TMEM163: variants seen among roughly 807,000 people sequenced by gnomAD.
TMEM163 encodes transmembrane protein 163.
A neutral mutation model predicts 29.3 loss-of-function variants in TMEM163; 17 were observed. The observed-to-expected ratio is 0.58, with a 90% CI of 0.40 to 0.87. The LOEUF (loss-of-function observed/expected upper bound fraction) is 0.87. Among genes scored for constraint, TMEM163 ranks in the 40% least tolerant of loss-of-function variants. TMEM163 has a pLI of 0.00. For missense variants in TMEM163, 303 were observed against 381.5 expected (o/e 0.79, Z 1.71); for synonymous variants, 157 against 160.6 (o/e 0.98, Z 0.17).
intron 4 of TMEM163, among the ~76,000 whole-genome samples, chr2:134,510,726 T>C (rs1188098747): frequency 6.6e-6 from 1 of 152,136 alleles, no homozygotes; most frequent in Non-Finnish European, 1.5e-5. Flanking sequence ...GTAGTGAGTC[T>C]GTTTGGGGCT....
chr2:134,521,598 G>A (rs1478483923), intron 4 of TMEM163, among the ~76,000 whole-genome samples: 1 of 152,182 alleles, frequency 6.6e-6, no homozygotes, highest in Non-Finnish European at 1.5e-5. Flanking sequence ...CCAAGGATAA[G>A]ATTCCCAAGG....
intron 2 of TMEM163, among the ~76,000 whole-genome samples, chr2:134,569,426 G>A (rs1353252810): frequency 6.6e-6 from 1 of 152,046 alleles, no homozygotes; most frequent in Non-Finnish European, 1.5e-5. Context: ...CATTAGGAGC[G>A]AGAGTTATGT....
At chr2:134,684,252 C>T (rs892648625) in intron 2 of TMEM163, among the ~76,000 whole-genome samples, 5 of 152,124 alleles carry the variant, frequency 3.3e-5, no homozygotes, top group South Asian at 2.1e-4. Flanking sequence ...CTTCTATCTG[C>T]GAGTAAATGA....
At chr2:134,461,232 A>T (rs1574148260) in intron 6 of TMEM163, among the ~76,000 whole-genome samples, 1 of 152,264 alleles carries the variant, frequency 6.6e-6, no homozygotes, top group Non-Finnish European at 1.5e-5. Context: ...TCCTGATTAC[A>T]GCTCCACCAG....
At chr2:134,483,337 A>T (rs1679239252) in intron 5 of TMEM163, among the ~76,000 whole-genome samples, 2 of 152,006 alleles carry the variant, frequency 1.3e-5, no homozygotes, top group Admixed American at 1.3e-4. Flanking sequence ...ACATCCCCTC[A>T]TCAAGCCCCT....
At chr2:134,571,024 T>C (rs182353738) in intron 2 of TMEM163, among the ~76,000 whole-genome samples, 5 of 152,328 alleles carry the variant, frequency 3.3e-5, no homozygotes, top group African/African-American at 4.8e-5. Flanking sequence ...CACATACATA[T>C]GTCTCTTTTA....
At chr2:134,697,061 C>A (rs557244635) in intron 2 of TMEM163, among the ~76,000 whole-genome samples, 167 of 152,280 alleles carry the variant, frequency 1.1e-3, no homozygotes, top group South Asian at 1.9e-3. Flanking sequence ...CAGGTGTGAG[C>A]CACCATGCCC....
intron 2 of TMEM163, among the ~76,000 whole-genome samples, chr2:134,701,241 A>G (rs1684696802): frequency 6.6e-6 from 1 of 152,208 alleles, no homozygotes. Context: ...AAAAGGCAAC[A>G]AAAACAATTT....
At chr2:134,537,679 C>A (rs1462546862) in intron 4 of TMEM163, among the ~76,000 whole-genome samples, 1 of 152,180 alleles carries the variant, frequency 6.6e-6, no homozygotes, top group African/African-American at 2.4e-5. Flanking sequence ...CTATCCTATC[C>A]ATGTTTGCAT....
At chr2:134,597,687 T>G (rs1043902130) in intron 2 of TMEM163, among the ~76,000 whole-genome samples, 3 of 152,240 alleles carry the variant, frequency 2.0e-5, no homozygotes, top group African/African-American at 4.8e-5. Flanking sequence ...TCAGAAGGAA[T>G]GGTACCAGCT....
rs1558907950 is a variant in TMEM163 at position 134,456,680 on chromosome 2, C to A, written c.*36G>T. On this transcript the variant is annotated 3_prime_UTR_variant, in exon 8 of 8. Transcript: ENST00000281924. ...GCACCCTTTGCCTATGTGGAAACTC[C>A]TCATCTCGATGGTCTCATGCGGATG... 1 of 1,612,220 alleles carries A rather than the reference C, an allele frequency of 6.2e-7. No individual in the cohort carries two copies. The highest frequency in any genetic ancestry group is 8.5e-7 in the Non-Finnish European group (1 of 1,178,982).
intron 2 of TMEM163, among the ~76,000 whole-genome samples, chr2:134,626,066 G>A (rs997835767): frequency 1.3e-5 from 2 of 151,518 alleles, no homozygotes; most frequent in Non-Finnish European, 2.9e-5. Context: ...GAGGCTCTGG[G>A]GAGAATCTGT....
At chr2:134,597,180 C>T (rs998269974) in intron 2 of TMEM163, among the ~76,000 whole-genome samples, 9 of 152,174 alleles carry the variant, frequency 5.9e-5, no homozygotes, top group Admixed American at 1.3e-4. Flanking sequence ...GAGGGCATCC[C>T]TGTCTTGTGC....
At chr2:134,550,076 C>G (rs763933053) in intron 4 of TMEM163, among the ~76,000 whole-genome samples, 22 of 152,122 alleles carry the variant, frequency 1.4e-4, no homozygotes, top group Non-Finnish European at 2.9e-4. Flanking sequence ...GTTTTAGAGT[C>G]ACAAACGTTA....
At chr2:134,477,386 A>G (rs1454290698) in intron 5 of TMEM163, among the ~76,000 whole-genome samples, 1 of 152,190 alleles carries the variant, frequency 6.6e-6, no homozygotes, top group Admixed American at 6.5e-5. Flanking sequence ...CGTTGGAGTG[A>G]ATAAGAAGCA....
rs569383282 is a variant in TMEM163 at position 134,693,232 on chromosome 2, T to A, written c.322+19968A>T. ...CCTTGAGTATTAGCAGATACTGATA[T>A]GGGCCCTGCTTGAAGAGTAAGACAT... On this transcript the variant is annotated intron_variant, in intron 2 of 7. Coordinates refer to ENST00000281924, the MANE Select transcript of TMEM163 (RefSeq NM_030923.5). Among the ~76,000 whole-genome samples, 6 of 152,308 alleles carry A rather than the reference T, an allele frequency of 3.9e-5. No individual in the cohort carries two copies. In the East Asian group the frequency reaches 1.2e-3, roughly 29 times the overall value.
At chr2:134,670,538 C>A (rs541383120) in intron 2 of TMEM163, among the ~76,000 whole-genome samples, 2 of 152,326 alleles carry the variant, frequency 1.3e-5, no homozygotes, top group Non-Finnish European at 2.9e-5. Flanking sequence ...TTCTGAAAAA[C>A]CACAATCAGG....
chr2:134,571,110 C>T (rs749639494), intron 2 of TMEM163, among the ~76,000 whole-genome samples: 12 of 152,060 alleles, frequency 7.9e-5, no homozygotes, highest in South Asian at 2.1e-4. Flanking sequence ...AATTAGGAAC[C>T]GATTCACACA....
intron 2 of TMEM163, among the ~76,000 whole-genome samples, chr2:134,695,099 C>T (rs530944317): frequency 1.5e-4 from 23 of 152,070 alleles, no homozygotes; most frequent in Non-Finnish European, 2.5e-4. Flanking sequence ...TTTTTTGAGA[C>T]GGAGTCTCGC....
Sources: allele counts gnomAD v4.1 joint callset (sites outside exome capture counted in the v4.1 genomes callset), GRCh38; gene constraint gnomAD v4.1.1; transcripts MANE v1.5; gene names NCBI Gene and HGNC (gene_info 2026-07-23, HGNC 2026-07-21).